Variants in CDK7 observed in about 807,000 individuals in gnomAD.
The protein encoded by CDK7 is cyclin-dependent kinase 7.
CDK7 carries 25 observed loss-of-function variants against 49.1 expected under a neutral mutation model. The ratio of observed to expected loss-of-function variants is 0.51; its 90% CI spans 0.37 to 0.71. The LOEUF (loss-of-function observed/expected upper bound fraction) is 0.71. Among genes scored for constraint, CDK7 ranks in the 30% least tolerant of loss-of-function variants. The pLI, the probability that CDK7 is intolerant of heterozygous loss-of-function variation, is 0.00. For missense variants in CDK7, 316 were observed against 411.7 expected, an observed-to-expected ratio of 0.77 and a Z score of 2.01; for synonymous variants, 107 against 140.0, an observed-to-expected ratio of 0.76 and a Z score of 1.67.
At chr5:69,246,101 AT>A (rs1377661023) in intron 2 of CDK7, among the ~76,000 whole-genome samples, 2 of 151,112 alleles carry the variant, frequency 1.3e-5, no homozygotes, top group Non-Finnish European at 3.0e-5. Flanking sequence ...GGCAGGAGAG[AT>A]TTTTTTTTCT....
chr5:69,262,406 C>G, intron 8 of CDK7, 102 bp downstream of exon 8: 3 of 1,476,664 alleles, frequency 2.0e-6, no homozygotes, highest in Non-Finnish European at 2.8e-6. Context: ...TGGTGGCTCA[C>G]GCCTGTAATC....
intron 8 of CDK7, among the ~76,000 whole-genome samples, chr5:69,263,650 G>A (rs762369776): frequency 2.0e-5 from 3 of 152,232 alleles, no homozygotes; most frequent in Admixed American, 6.5e-5. Context: ...AGTGCTAACA[G>A]GGGGTCCTGT....
In CDK7 at chr5:69,234,979, G is replaced by T; in HGVS notation, c.4G>T (p.Ala2Ser). 6.3e-7 allele frequency: 1 copy of T among 1,595,896 alleles called. No individual in the cohort carries two copies. The highest frequency in any genetic ancestry group is 2.3e-5 in the East Asian group (1 of 44,214). Residue 2 changes from alanine (A) to serine (S), a missense_variant, in exon 1 of 12, where the codon GCT (alanine) becomes TCT (serine). Transcript: ENST00000256443. The stretch of plus-strand genomic sequence containing the variant: ...GAGTCGGGCTTTACGGCGCCGGATG[G>T]CTCTGGACGTGAAGTCTCGGGCAAA... M[A>S]LDVKSRAKRY...
intron 2 of CDK7, among the ~76,000 whole-genome samples, chr5:69,243,833 T>TTTG (rs1297303176): frequency 2.3e-5 from 3 of 128,256 alleles, no homozygotes; most frequent in South Asian, 2.6e-4. Flanking sequence ...GTTGTTTTTT[T>TTTG]TTTTTTTTTT....
chr5:69,254,067 T>TG, intron 3 of CDK7, among the ~76,000 whole-genome samples: 1 of 152,062 alleles, frequency 6.6e-6, no homozygotes, highest in Non-Finnish European at 1.5e-5. Context: ...GCCACTGCAC[T>TG]CCAACCTGGC....
intron 8 of CDK7, among the ~76,000 whole-genome samples, chr5:69,265,762 T>A (rs1357200668): frequency 2.0e-5 from 3 of 152,018 alleles, no homozygotes; most frequent in Admixed American, 6.6e-5. Flanking sequence ...ATACAAAAAT[T>A]AGCCGGGCAT....
intron 2 of CDK7, among the ~76,000 whole-genome samples, chr5:69,235,800 A>G (rs1265395726): frequency 6.6e-6 from 1 of 152,236 alleles, no homozygotes; most frequent in African/African-American, 2.4e-5. Context: ...AGTGTGTCGT[A>G]TCTGTATTTT....
intron 2 of CDK7, among the ~76,000 whole-genome samples, chr5:69,250,572 G>GTAGT (rs1269115173): frequency 1.3e-5 from 2 of 152,140 alleles, no homozygotes; most frequent in African/African-American, 4.8e-5. Flanking sequence ...CATCTTCAGG[G>GTAGT]TAGTGGGTTC....
chr5:69,275,543 T>C (rs1433166644), intron 10 of CDK7, among the ~76,000 whole-genome samples: 1 of 152,170 alleles, frequency 6.6e-6, no homozygotes, highest in Non-Finnish European at 1.5e-5. Context: ...ATATCCGAAA[T>C]CTGAAATGCT....
At chr5:69,245,735 C>T (rs1027670066) in intron 2 of CDK7, among the ~76,000 whole-genome samples, 1 of 152,098 alleles carries the variant, frequency 6.6e-6, no homozygotes, top group Non-Finnish European at 1.5e-5. Context: ...TTACTTGTTA[C>T]TGGCCTGTTT....
chr5:69,269,949 T>A (rs1751418116), intron 9 of CDK7, among the ~76,000 whole-genome samples: 1 of 150,876 alleles, frequency 6.6e-6, no homozygotes, highest in Non-Finnish European at 1.5e-5. Flanking sequence ...ATTAAACTTC[T>A]TGGTGGGTGC....
chr5:69,268,462 C>T (rs1477108770), intron 8 of CDK7, among the ~76,000 whole-genome samples: 4 of 152,152 alleles, frequency 2.6e-5, no homozygotes, highest in Admixed American at 1.3e-4. Context: ...GATCTAATAA[C>T]GTACCCAATA....
At chr5:69,235,117 G>C (rs1269765380) in intron 1 of CDK7, 76 bp downstream of exon 1, 1 of 1,393,500 alleles carries the variant, frequency 7.2e-7, no homozygotes. Flanking sequence ...GGGTTTTCCC[G>C]TGGAGGCCAG....
At chr5:69,251,071 A>G (rs1477205492) in intron 2 of CDK7, among the ~76,000 whole-genome samples, 1 of 150,572 alleles carries the variant, frequency 6.6e-6, no homozygotes, top group East Asian at 2.0e-4. Flanking sequence ...ATGGAACTAC[A>G]GGCACATGCA....
At chr5:69,243,601 G>A (rs1749522519) in intron 2 of CDK7, among the ~76,000 whole-genome samples, 1 of 151,988 alleles carries the variant, frequency 6.6e-6, no homozygotes, top group East Asian at 1.9e-4. Context: ...TCTTAGGATA[G>A]CTTTGGCTAT....
intron 4 of CDK7, 83 bp downstream of exon 4, chr5:69,254,752 ATGACT>A: frequency 1.3e-6 from 1 of 793,600 alleles, no homozygotes; most frequent in Non-Finnish European, 2.2e-6. Context: ...GCTCAGCAAG[ATGACT>A]TGTTCTGGAT....
chr5:69,273,383 G>A (rs901326937), intron 10 of CDK7, among the ~76,000 whole-genome samples: 3 of 152,086 alleles, frequency 2.0e-5, no homozygotes, highest in Non-Finnish European at 4.4e-5. Flanking sequence ...TATTTCAGTT[G>A]AGCTCTTACA....
intron 4 of CDK7, 25 bp from the exon 5 acceptor site, chr5:69,255,435 A>C (rs750931544): frequency 1.4e-6 from 2 of 1,426,266 alleles, no homozygotes; most frequent in Admixed American, 2.1e-5. Context: ...ATAGTGAATC[A>C]CATTTTAATT....
chr5:69,268,669 G>A (rs1034830832), intron 8 of CDK7, among the ~76,000 whole-genome samples: 9 of 149,200 alleles, frequency 6.0e-5, no homozygotes, highest in African/African-American at 1.5e-4. Context: ...TGGCTAACAC[G>A]GTGAAACCCC....
Sources: allele counts gnomAD v4.1 joint callset (sites outside exome capture counted in the v4.1 genomes callset), GRCh38; gene constraint gnomAD v4.1.1; transcripts MANE v1.5; gene names NCBI Gene and HGNC (gene_info 2026-07-23, HGNC 2026-07-21).